Variants in VPS13C observed in about 807,000 individuals in gnomAD.
VPS13C encodes intermembrane lipid transfer protein VPS13C.
Under a neutral mutation model 456.8 loss-of-function variants are expected in VPS13C, and 358 were observed. The observed-to-expected ratio is 0.78, with a 90% confidence interval of 0.72 to 0.86. The LOEUF (loss-of-function observed/expected upper bound fraction) is 0.86. Among genes scored for constraint, VPS13C ranks in the 40% least tolerant of loss-of-function variants. The pLI is 0.00. For missense variants in VPS13C, 4,818 were observed against 4,385.4 expected, an observed-to-expected ratio of 1.10 and a Z score of -2.79; for synonymous variants, 1,578 against 1,486.7, an observed-to-expected ratio of 1.06 and a Z score of -1.41.
At chr15:61,996,601 A>T (rs1256387689) in intron 16 of VPS13C, among the ~76,000 whole-genome samples, 1 of 152,178 alleles carries the variant, frequency 6.6e-6, no homozygotes, top group Non-Finnish European at 1.5e-5. Context: ...AGTACATGAC[A>T]TAAAGGCAAA....
rs367880638 is a variant in VPS13C, at chr15:61,984,016, T to C, written c.1722-4A>G. 2 of 1,608,708 alleles carry C rather than the reference T, an allele frequency of 1.2e-6. No homozygotes were observed. Among genetic ancestry groups the C allele is most frequent in the Non-Finnish European group, 1.7e-6 (2 of 1,177,230 alleles). ...GTGTTCTAATTTCGCTTCTACCCTATAATCCAATGAAGAACAAGGAAAGAT... is the reference window on the plus strand; with the variant it reads ...GTGTTCTAATTTCGCTTCTACCCTACAATCCAATGAAGAACAAGGAAAGAT... On this transcript the variant is annotated splice_region_variant and splice_polypyrimidine_tract_variant and intron_variant, in intron 19 of 84. Coordinates refer to ENST00000644861, the MANE Select transcript of VPS13C (RefSeq NM_020821.3).
Position 61,878,698 on chromosome 15 carries a change from CT to C in VPS13C, c.10050del (p.Glu3351LysfsTer15). The C allele has an allele frequency of 6.2e-7, 1 of 1,611,192 alleles. No individual in the cohort carries two copies. The highest frequency in any genetic ancestry group is 8.5e-7 in the Non-Finnish European group (1 of 1,178,612). ...TGAACTGCAAACATTTCCTGTTTTTCTTTGTCTGATTCTTCACCTCCGGAAC... is the reference window on the plus strand; with the variant it reads ...TGAACTGCAAACATTTCCTGTTTTTCTTGTCTGATTCTTCACCTCCGGAAC... ...SLGSGGEESD[K>X]EKQEMFAVHS... On this transcript the variant is annotated frameshift_variant, in exon 74 of 85. Transcript: ENST00000644861. LOFTEE classifies it high-confidence loss of function.
intron 66 of VPS13C, among the ~76,000 whole-genome samples, chr15:61,897,177 C>T (rs2042849241): frequency 6.6e-6 from 1 of 152,212 alleles, no homozygotes. Context: ...AAACTGGAAA[C>T]TCTAAAGAGC....
At position 61,925,444 on chromosome 15, in the gene VPS13C, G is replaced by GT; in HGVS notation, c.6609+11dup. 1.4e-6 allele frequency: 2 copies of GT among 1,466,444 alleles called. No individual in the cohort carries two copies. Among genetic ancestry groups the GT allele is most frequent in the Non-Finnish European group, 1.8e-6 (2 of 1,082,344 alleles). The allele number at this position is 1,466,444 out of a possible 1,614,324, so 90.8% of individuals were successfully genotyped here. On this transcript the variant is annotated intron_variant, in intron 53 of 84. Transcript: ENST00000644861. ...TAAGAATTTTCACTCAAAGAATATG[G>GT]TAAGTACTAACCTTAATTATAAATT...
chr15:61,899,834 C>T (rs1404257603), intron 66 of VPS13C, among the ~76,000 whole-genome samples: 1 of 151,922 alleles, frequency 6.6e-6, no homozygotes, highest in Non-Finnish European at 1.5e-5. Flanking sequence ...GACCAATATC[C>T]TTGATGAACA....
At chr15:62,058,246 T>A (rs2048865777) in intron 1 of VPS13C, among the ~76,000 whole-genome samples, 1 of 152,234 alleles carries the variant, frequency 6.6e-6, no homozygotes, top group Non-Finnish European at 1.5e-5. Context: ...TTACAAACTA[T>A]AAGGAATCAC....
chr15:61,944,850 T>A (rs1444525372), intron 45 of VPS13C, among the ~76,000 whole-genome samples: 2 of 152,166 alleles, frequency 1.3e-5, no homozygotes, highest in Admixed American at 1.3e-4. Context: ...AAAATATGAT[T>A]TTTAAAAGTT....
Position 61,875,813 on chromosome 15 carries a change from C to A in VPS13C, c.10257G>T (p.Gly3419=), listed in dbSNP as rs1390152543. ...CAAATGGGTTTCCAAGTACATCTAA[C>A]CCCAATACAAGGACATACATCTGTT... ...FLKQMYVLVL[G]LDVLGNPFGL... is the part of the protein sequence containing the mutation. The change falls in exon 76 of 85, where the codon GGG becomes GGT. Residue 3419 remains glycine (G), a synonymous_variant. Transcript: ENST00000644861. The A allele has an allele frequency of 4.4e-6, 7 of 1,603,682 alleles. No individual in the cohort carries two copies. The highest frequency in any genetic ancestry group is 1.7e-4 in the Middle Eastern group (1 of 5,996).
chr15:61,964,230 G>A (rs926422860), intron 31 of VPS13C, among the ~76,000 whole-genome samples: 2 of 151,980 alleles, frequency 1.3e-5, no homozygotes, highest in African/African-American at 2.4e-5. Flanking sequence ...TGTGTCTAAG[G>A]TTACATGGTT....
intron 66 of VPS13C, chr15:61,906,516 G>A (rs2043155871): frequency 6.6e-6 from 1 of 152,294 alleles, no homozygotes; most frequent in African/African-American, 2.4e-5. Flanking sequence ...AGTATCAAAT[G>A]TGAGGAGAGA....
chr15:62,054,422 T>C (rs2048723011), intron 1 of VPS13C, among the ~76,000 whole-genome samples: 1 of 152,156 alleles, frequency 6.6e-6, no homozygotes. Context: ...TTTAGATATG[T>C]AATGATAGCT....
chr15:61,955,100 T>C (rs1035971783), intron 37 of VPS13C, among the ~76,000 whole-genome samples: 2 of 152,186 alleles, frequency 1.3e-5, no homozygotes, highest in African/African-American at 2.4e-5. Flanking sequence ...ATTATGATGC[T>C]GTGTTTCTGA....
At position 61,884,256 on chromosome 15, in the gene VPS13C, A is replaced by C. The variant is rs766859236; in HGVS notation, c.9355T>G (p.Trp3119Gly). 1 of 1,610,956 alleles carries C rather than the reference A, an allele frequency of 6.2e-7. No individual in the cohort carries two copies. Among genetic ancestry groups the C allele is most frequent in the Non-Finnish European group, 8.5e-7 (1 of 1,178,972 alleles). Residue 3119 changes from tryptophan (W) to glycine (G), a missense_variant, in exon 68 of 85, where the codon TGG becomes GGG. Around this residue, in one of 3 missense-constraint regions of VPS13C, gnomAD observed 4,552 missense variants for 4,130.6 expected, o/e 1.10. Coordinates refer to ENST00000644861, the MANE Select transcript of VPS13C (RefSeq NM_020821.3). ...CATTTCTGCTTTGGTTTCACCTCCC[A>C]AACAACACCAGAACTAAATAATTCA... ...YIGITSSGVV[W>G]EVKPKQKWKP...
At chr15:61,978,393 T>A (rs768461693) in intron 23 of VPS13C, among the ~76,000 whole-genome samples, 1 of 152,168 alleles carries the variant, frequency 6.6e-6, no homozygotes, top group Non-Finnish European at 1.5e-5. Context: ...ATGAATAGGC[T>A]TAGATTGAAA....
Position 62,012,441 on chromosome 15 carries a change from C to A in VPS13C, c.826-277G>T, listed in dbSNP as rs536083706. Among the ~76,000 whole-genome samples the A allele has an allele frequency of 5.9e-5, 9 of 152,014 alleles. No individual in the cohort carries two copies. In the East Asian group the frequency reaches 1.7e-3, roughly 29 times the overall value. ...CGAAAAAATGTACATATATGTATAT[C>A]CATACACTGCGATTTCAGACACATT... On this transcript the variant is annotated intron_variant, in intron 11 of 84. Coordinates refer to ENST00000644861, the MANE Select transcript of VPS13C (RefSeq NM_020821.3).
chr15:61,914,232 A>C (rs554074156), intron 61 of VPS13C, among the ~76,000 whole-genome samples: 1 of 152,228 alleles, frequency 6.6e-6, no homozygotes, highest in African/African-American at 2.4e-5. Flanking sequence ...ACCCAGACCT[A>C]CTGAATCAAA....
chr15:61,878,761 A>G lies in VPS13C; in HGVS notation c.10003-15T>C. On this transcript the variant is annotated splice_polypyrimidine_tract_variant and intron_variant, in intron 73 of 84. Transcript: ENST00000644861. Reference sequence around the variant, plus strand: ...CTCAAATGCAACTAAAAGAAAAATAATGTTCAATAAATGAAAGCTAAAAGT... The same window carrying G: ...CTCAAATGCAACTAAAAGAAAAATAGTGTTCAATAAATGAAAGCTAAAAGT... 1.9e-6 allele frequency: 3 copies of G among 1,596,758 alleles called. No homozygotes were observed. The highest frequency in any genetic ancestry group is 1.7e-6 in the Non-Finnish European group (2 of 1,172,682).
At position 61,863,440 on chromosome 15, in the gene VPS13C, C is replaced by T; in HGVS notation, c.10952G>A (p.Arg3651Lys). The T allele has an allele frequency of 1.2e-6, 2 of 1,609,038 alleles. No homozygotes were observed. Among genetic ancestry groups the T allele is most frequent in the South Asian group, 2.2e-5 (2 of 90,490 alleles). ...GAAAAATGTCACTTCAAGTCAGTAC[C>T]TATTTGTAACCATAAGGATTGTCTT... ...SKKTILMVTNRRVLCIKEVEI... is the reference protein window; with the variant it reads ...SKKTILMVTNKRVLCIKEVEI... Residue 3651 changes from arginine to lysine, a missense_variant and splice_region_variant, in exon 82 of 85, where the codon AGG becomes AAG. This residue lies in a region of VPS13C where 261 missense variants were observed against 234.1 expected (regional missense o/e 1.11). Transcript: ENST00000644861.
chr15:61,918,980 C>G (rs2043561428), intron 58 of VPS13C, among the ~76,000 whole-genome samples: 1 of 151,948 alleles, frequency 6.6e-6, no homozygotes, highest in Admixed American at 6.6e-5. Flanking sequence ...TTACAATAAT[C>G]CTCGGTTCTG....
Sources: gnomAD v4.1 joint callset for allele counts (sites outside exome capture counted in the v4.1 genomes callset) on GRCh38, gnomAD v4.1.1 for gene constraint, gnomAD v4.1.1 regional missense constraint, MANE v1.5 for transcripts, NCBI Gene and HGNC (gene_info 2026-07-23, HGNC 2026-07-21) for gene names.